Variants in HMCN1 observed in about 807,000 individuals in gnomAD.
The protein encoded by HMCN1 is hemicentin-1.
A neutral mutation model predicts 625.9 loss-of-function variants in HMCN1; 321 were observed. That is an observed-to-expected ratio of 0.51 (90% CI 0.47 to 0.56). The LOEUF is 0.56. HMCN1 is among the 20% of genes least tolerant of loss of function. The pLI, the probability that HMCN1 is intolerant of heterozygous loss-of-function variation, is 0.00. For synonymous variants in HMCN1, 2,425 were observed against 2,417.6 expected, an observed-to-expected ratio of 1.00 and a Z score of -0.09; for missense variants, 6,588 against 6,887.3, an observed-to-expected ratio of 0.96 and a Z score of 1.54.
chr1:185,800,950 ACTACT>A (rs780964202), intron 1 of HMCN1, among the ~76,000 whole-genome samples: 1 of 152,172 alleles, frequency 6.6e-6, no homozygotes, highest in Non-Finnish European at 1.5e-5. Context: ...TTCTTGGGTC[ACTACT>A]CTACTCTGAT....
At chr1:186,082,798 A>C (rs987839525) in intron 56 of HMCN1, 67 bp from the exon 57 acceptor site, 2 of 820,128 alleles carry the variant, frequency 2.4e-6, no homozygotes, top group Non-Finnish European at 3.8e-6. Flanking sequence ...TTATTCTAAA[A>C]AATAGACAAA....
At chr1:186,177,656 G>A (rs1367981195) in intron 103 of HMCN1, among the ~76,000 whole-genome samples, 1 of 152,110 alleles carries the variant, frequency 6.6e-6, no homozygotes, top group East Asian at 1.9e-4. Context: ...AAACATAAAA[G>A]TAGTTACTTT....
chr1:185,995,071 A>G lies in HMCN1; in HGVS notation c.3762A>G (p.Ile1254Met). Residue 1254 changes from isoleucine (I) to methionine (M), a missense_variant, in exon 24 of 107, where the codon ATA (isoleucine) becomes ATG (methionine). Around this residue, in one of 3 missense-constraint regions of HMCN1, gnomAD observed 4,628 missense variants for 4,853.1 expected, o/e 0.95. Coordinates refer to ENST00000271588, the MANE Select transcript of HMCN1 (RefSeq NM_031935.3). ...TAGCAGGCACTGATGAAACAGAGAT[A>G]ACGCTACATGTCCAAGGTGATTCTT... is the stretch of plus-strand genomic sequence containing the variant. ...TNIAGTDETE[I>M]TLHVQEPPTV... 2 of 1,613,724 alleles carry G rather than the reference A, an allele frequency of 1.2e-6. No homozygotes were observed. Among genetic ancestry groups the G allele is most frequent in the Non-Finnish European group, 1.7e-6 (2 of 1,179,710 alleles).
intron 68 of HMCN1, among the ~76,000 whole-genome samples, chr1:186,102,631 G>A (rs1434534084): frequency 6.6e-6 from 1 of 152,082 alleles, no homozygotes; most frequent in African/African-American, 2.4e-5. Flanking sequence ...TCTGCTATGA[G>A]TCACTGTTCT....
intron 54 of HMCN1, among the ~76,000 whole-genome samples, chr1:186,077,373 T>C (rs1658888389): frequency 6.6e-6 from 1 of 152,150 alleles, no homozygotes; most frequent in South Asian, 2.1e-4. Context: ...GCGGATTCAA[T>C]AGTAGTTTTG....
chr1:185,941,257 G>A (rs578237680), intron 11 of HMCN1, among the ~76,000 whole-genome samples: 1 of 152,214 alleles, frequency 6.6e-6, no homozygotes. Context: ...TTGGTCTTCA[G>A]AATGGATTAC....
intron 97 of HMCN1, among the ~76,000 whole-genome samples, chr1:186,161,735 G>T (rs1238989347): frequency 6.6e-6 from 1 of 152,124 alleles, no homozygotes. Flanking sequence ...CTTTAAGAAT[G>T]TTGAATATTG....
At chr1:185,993,123 C>T in intron 22 of HMCN1, 59 bp from the exon 23 acceptor site, 2 of 1,518,500 alleles carry the variant, frequency 1.3e-6, no homozygotes, top group Non-Finnish European at 1.8e-6. Context: ...AGTGTAGCTG[C>T]ATAGGGGATA....
At chr1:185,770,984 G>T (rs1259769422) in intron 1 of HMCN1, among the ~76,000 whole-genome samples, 4 of 152,080 alleles carry the variant, frequency 2.6e-5, no homozygotes. Flanking sequence ...GGTGAAAGCT[G>T]GATCCTGGGA....
At chr1:186,152,711 AT>A (rs757959289) in intron 95 of HMCN1, 38 bp from the exon 96 acceptor site, 8 of 1,612,310 alleles carry the variant, frequency 5.0e-6, no homozygotes, top group South Asian at 1.1e-5. Flanking sequence ...CAGAAACCAT[AT>A]TTTTTTGCTG....
At chr1:185,753,989 A>T (rs141949715) in intron 1 of HMCN1, among the ~76,000 whole-genome samples, 168 of 152,320 alleles carry the variant, frequency 1.1e-3, no homozygotes, top group African/African-American at 3.8e-3. Flanking sequence ...TTGCAGTGTT[A>T]TTCACAATAG....
At position 185,909,023 on chromosome 1, in the gene HMCN1, T is replaced by C. The variant is rs1666261646; in HGVS notation, c.622-314T>C. ...TTATGTTTTTAAATAAGTTCTTATC[T>C]CTTGAGACAGCGAACTGTCAATAAT... On this transcript the variant is annotated intron_variant, in intron 4 of 106. Coordinates refer to ENST00000271588, the MANE Select transcript of HMCN1 (RefSeq NM_031935.3). Among the ~76,000 whole-genome samples the C allele has an allele frequency of 3.9e-5, 6 of 152,096 alleles. No individual in the cohort carries two copies. The South Asian group carries it at 1.2e-3, about 32-fold the overall frequency.
chr1:185,838,259 C>A (rs921075012), intron 1 of HMCN1, among the ~76,000 whole-genome samples: 1 of 152,284 alleles, frequency 6.6e-6, no homozygotes, highest in East Asian at 1.9e-4. Context: ...TCTTGACAGA[C>A]AGGCGACCCC....
At chr1:185,853,070 G>A (rs1033083711) in intron 2 of HMCN1, among the ~76,000 whole-genome samples, 6 of 152,108 alleles carry the variant, frequency 3.9e-5, no homozygotes, top group African/African-American at 1.4e-4. Context: ...CTAAATATCT[G>A]TTTAAATAAC....
At chr1:185,893,008 C>T (rs564498689) in intron 4 of HMCN1, among the ~76,000 whole-genome samples, 12 of 152,294 alleles carry the variant, frequency 7.9e-5, no homozygotes, top group South Asian at 2.1e-4. Flanking sequence ...GATATAATCT[C>T]GTGGTGCGCC....
intron 2 of HMCN1, among the ~76,000 whole-genome samples, chr1:185,859,190 T>G (rs1037664230): frequency 2.6e-5 from 4 of 151,692 alleles, no homozygotes; most frequent in Non-Finnish European, 5.9e-5. Flanking sequence ...TTGTAGATTT[T>G]TGGAGTAAGT....
chr1:186,148,402 C>G (rs955998036), intron 93 of HMCN1, among the ~76,000 whole-genome samples: 1 of 152,190 alleles, frequency 6.6e-6, no homozygotes, highest in African/African-American at 2.4e-5. Flanking sequence ...CACAGACATT[C>G]TTAATGGCAT....
At position 186,170,879 on chromosome 1, in the gene HMCN1, C is replaced by G. The variant is rs138490233; in HGVS notation, c.15575-458C>G. On this transcript the variant is annotated intron_variant, in intron 100 of 106. Coordinates refer to ENST00000271588, the MANE Select transcript of HMCN1 (RefSeq NM_031935.3). The stretch of plus-strand genomic sequence containing the variant: ...AGTGACTGCCAAATGTAGAGAAATG[C>G]TGATGTTGATGCAGTCAGGCACAGG... Among the ~76,000 whole-genome samples, 8 of 152,266 alleles carry G rather than the reference C, an allele frequency of 5.3e-5. No homozygotes were observed. The East Asian group carries it at 1.5e-3, about 29-fold the overall frequency.
At chr1:186,026,238 G>T (rs1655048802) in intron 36 of HMCN1, among the ~76,000 whole-genome samples, 1 of 152,180 alleles carries the variant, frequency 6.6e-6, no homozygotes, top group Admixed American at 6.5e-5. Context: ...ACTTCAAAAA[G>T]ACCTCAGTGG....
Sources: allele counts gnomAD v4.1 joint callset (sites outside exome capture counted in the v4.1 genomes callset), GRCh38; gene constraint gnomAD v4.1.1; regional missense constraint gnomAD v4.1.1; transcripts MANE v1.5; gene names NCBI Gene and HGNC (gene_info 2026-07-23, HGNC 2026-07-21).